KSR2: variants seen among roughly 807,000 people sequenced by gnomAD.
The protein encoded by KSR2 is kinase suppressor of ras 2.
A neutral mutation model predicts 107.8 loss-of-function variants in KSR2; 25 were observed. The observed-to-expected ratio is 0.23, with a 90% CI of 0.17 to 0.32. The LOEUF is 0.32. KSR2 is among the 10% of genes least tolerant of loss of function. KSR2 has a pLI of 1.00. For missense variants in KSR2, 887 were observed against 1,268.9 expected, an observed-to-expected ratio of 0.70 and a Z score of 4.57; for synonymous variants, 480 against 507.0, an observed-to-expected ratio of 0.95 and a Z score of 0.71.
At chr12:117,847,628 C>T (rs566426238) in intron 3 of KSR2, among the ~76,000 whole-genome samples, 1 of 150,702 alleles carries the variant, frequency 6.6e-6, no homozygotes, top group South Asian at 2.1e-4. Flanking sequence ...GATCCAGACA[C>T]CTTCTGTTCA....
intron 3 of KSR2, among the ~76,000 whole-genome samples, chr12:117,829,871 C>T (rs1472649461): frequency 2.6e-5 from 4 of 152,234 alleles, no homozygotes; most frequent in African/African-American, 9.6e-5. Context: ...ATAAAGCAGA[C>T]AGGCTCATGC....
chr12:117,479,421 C>T (rs1360388786), intron 16 of KSR2, among the ~76,000 whole-genome samples: 3 of 152,168 alleles, frequency 2.0e-5, no homozygotes, highest in Non-Finnish European at 4.4e-5. Flanking sequence ...ATTTCTCAAC[C>T]TTGGCACTAT....
chr12:117,471,456 G>A lies in KSR2; in HGVS notation c.2583-136C>T, dbSNP rs935645843. The A allele has an allele frequency of 3.3e-6, 3 of 904,384 alleles. No homozygotes were observed. The East Asian group carries it at 8.3e-5, about 25-fold the overall frequency. The allele number at this position is 904,384 out of a possible 1,614,324, so 56.0% of individuals were successfully genotyped here. ...CCCCACTTTCTTCCTCATGGGGTTG[G>A]TATTTTGCCATGTGCGACATACCTA... On this transcript the variant is annotated intron_variant, in intron 17 of 19. Coordinates refer to ENST00000339824, the MANE Select transcript of KSR2 (RefSeq NM_173598.6).
intron 4 of KSR2, among the ~76,000 whole-genome samples, chr12:117,730,877 G>C (rs976744946): frequency 1.3e-5 from 2 of 152,200 alleles, no homozygotes; most frequent in African/African-American, 4.8e-5. Context: ...CCTCCCAGCT[G>C]CCTGCCTTGG....
At chr12:117,591,064 C>T (rs1167951467) in intron 5 of KSR2, among the ~76,000 whole-genome samples, 5 of 152,126 alleles carry the variant, frequency 3.3e-5, no homozygotes, top group African/African-American at 7.2e-5. Flanking sequence ...TTTTGATCCC[C>T]GTTTTGCAGA....
At chr12:117,697,517 C>T (rs994671534) in intron 4 of KSR2, among the ~76,000 whole-genome samples, 1 of 152,100 alleles carries the variant, frequency 6.6e-6, no homozygotes, top group African/African-American at 2.4e-5. Context: ...CCAAGGCGGG[C>T]AGATCACAAA....
At chr12:117,893,442 G>A (rs908543208) in intron 1 of KSR2, among the ~76,000 whole-genome samples, 1 of 152,172 alleles carries the variant, frequency 6.6e-6, no homozygotes, top group African/African-American at 2.4e-5. Context: ...ACTTTGCAGC[G>A]TAGGCTGTGG....
chr12:117,792,828 A>C (rs1014884108), intron 3 of KSR2, among the ~76,000 whole-genome samples: 6 of 152,182 alleles, frequency 3.9e-5, no homozygotes, highest in African/African-American at 1.4e-4. Context: ...GTGGAAGTGA[A>C]GACACCAAGG....
chr12:117,530,903 A>G (rs775880404), intron 12 of KSR2, 38 bp downstream of exon 12: 2 of 1,578,210 alleles, frequency 1.3e-6, no homozygotes, highest in Admixed American at 3.3e-5. Context: ...AGGGCTGGGA[A>G]GCTTGGGAAA....
chr12:117,740,330 A>ATATATAG (rs1555233795), intron 4 of KSR2, among the ~76,000 whole-genome samples: 11 of 139,784 alleles, frequency 7.9e-5, no homozygotes, highest in Non-Finnish European at 1.5e-5. Flanking sequence ...TATATACATT[A>ATATATAG]TATATATGTT....
intron 5 of KSR2, among the ~76,000 whole-genome samples, chr12:117,639,505 T>C (rs1242964677): frequency 2.6e-5 from 4 of 150,960 alleles, no homozygotes; most frequent in South Asian, 4.2e-4. Context: ...AATTTTTGTA[T>C]TTTTAGTAGA....
At chr12:117,567,556 T>C (rs778981538) in intron 7 of KSR2, among the ~76,000 whole-genome samples, 2 of 151,772 alleles carry the variant, frequency 1.3e-5, no homozygotes, top group Non-Finnish European at 2.9e-5. Flanking sequence ...CAGCAGAAAC[T>C]TGCAATTAAA....
At chr12:117,866,449 T>C (rs1893473449) in intron 1 of KSR2, among the ~76,000 whole-genome samples, 1 of 152,256 alleles carries the variant, frequency 6.6e-6, no homozygotes, top group South Asian at 2.1e-4. Context: ...ATTTTCTTCA[T>C]TGCCTTCCAT....
intron 3 of KSR2, among the ~76,000 whole-genome samples, chr12:117,785,869 G>A (rs1366044101): frequency 1.3e-5 from 2 of 152,136 alleles, no homozygotes; most frequent in Non-Finnish European, 2.9e-5. Flanking sequence ...AAGGATTGGT[G>A]CAGAATAAAA....
At chr12:117,520,384 A>G (rs1874675166) in intron 14 of KSR2, among the ~76,000 whole-genome samples, 1 of 152,188 alleles carries the variant, frequency 6.6e-6, no homozygotes, top group Non-Finnish European at 1.5e-5. Context: ...CCCCACAACC[A>G]GGGAACTGAT....
chr12:117,645,978 A>G (rs989885544), intron 5 of KSR2, among the ~76,000 whole-genome samples: 20 of 151,744 alleles, frequency 1.3e-4, no homozygotes, highest in Non-Finnish European at 2.1e-4. Flanking sequence ...CCAAAATCCA[A>G]TATGTTCAAG....
At chr12:117,877,250 T>A (rs1893883340) in intron 1 of KSR2, among the ~76,000 whole-genome samples, 1 of 152,034 alleles carries the variant, frequency 6.6e-6, no homozygotes, top group African/African-American at 2.4e-5. Context: ...GGCAGGAGAA[T>A]CGCTTGAGCT....
intron 3 of KSR2, among the ~76,000 whole-genome samples, chr12:117,848,530 T>C (rs1349092537): frequency 1.3e-5 from 2 of 152,196 alleles, no homozygotes; most frequent in Non-Finnish European, 2.9e-5. Context: ...AGGTTACCTC[T>C]GGAGAACAAT....
intron 5 of KSR2, among the ~76,000 whole-genome samples, chr12:117,659,886 G>A (rs1884352632): frequency 6.6e-6 from 1 of 152,230 alleles, no homozygotes; most frequent in African/African-American, 2.4e-5. Context: ...GAGAGTGCTT[G>A]TAAAAGTCAG....
Sources: allele counts gnomAD v4.1 joint callset (sites outside exome capture counted in the v4.1 genomes callset), GRCh38; gene constraint gnomAD v4.1.1; transcripts MANE v1.5; gene names NCBI Gene and HGNC (gene_info 2026-07-23, HGNC 2026-07-21).